RYR3: variants seen among roughly 807,000 people sequenced by gnomAD.
The protein encoded by RYR3 is ryanodine receptor 3.
A neutral mutation model predicts 584.3 loss-of-function variants in RYR3; 207 were observed. The ratio of observed to expected loss-of-function variants is 0.35; its 90% CI spans 0.32 to 0.40. The LOEUF (loss-of-function observed/expected upper bound fraction) is 0.40, where lower values mean the gene tolerates loss of function less well. Ranked by LOEUF, RYR3 falls within the 10% of genes least tolerant of loss-of-function variation. RYR3 has a pLI of 1.00. For missense variants in RYR3, 5,616 were observed against 6,089.2 expected (o/e 0.92, Z 2.59); for synonymous variants, 2,416 against 2,248.5 (o/e 1.07, Z -2.11).
chr15:33,704,754 A>G (rs549143242), intron 42 of RYR3, among the ~76,000 whole-genome samples: 2 of 152,332 alleles, frequency 1.3e-5, no homozygotes, highest in African/African-American at 4.8e-5. Context: ...AGTGTTGCTC[A>G]GCAAAGACAT....
chr15:33,454,397 T>A (rs2047374317), intron 1 of RYR3, among the ~76,000 whole-genome samples: 1 of 152,328 alleles, frequency 6.6e-6, no homozygotes, highest in East Asian at 1.9e-4. Flanking sequence ...AACTAGAAGC[T>A]AACCTGTGAG....
At chr15:33,470,415 A>T (rs2048834967) in intron 1 of RYR3, among the ~76,000 whole-genome samples, 1 of 152,112 alleles carries the variant, frequency 6.6e-6, no homozygotes, top group Non-Finnish European at 1.5e-5. Flanking sequence ...CCAGGAAATC[A>T]TACATTTATA....
intron 27 of RYR3, among the ~76,000 whole-genome samples, chr15:33,641,052 C>T (rs2061791145): frequency 2.0e-5 from 3 of 152,172 alleles, no homozygotes; most frequent in Admixed American, 6.5e-5. Flanking sequence ...AGCCCTTTTC[C>T]TCTACGGGGC....
intron 87 of RYR3, 49 bp from the exon 88 acceptor site, chr15:33,836,856 CT>C (rs757524445): frequency 6.7e-7 from 1 of 1,500,534 alleles, no homozygotes. Flanking sequence ...CTGCCCTGTA[CT>C]TTACTGAGGG....
At chr15:33,545,544 G>T (rs548629825) in intron 8 of RYR3, among the ~76,000 whole-genome samples, 2 of 152,100 alleles carry the variant, frequency 1.3e-5, no homozygotes. Context: ...ATAAGGAAGC[G>T]TGAAGGGTTT....
Position 33,636,390 on chromosome 15 carries a change from T to G in RYR3, c.3396T>G (p.His1132Gln), listed in dbSNP as rs1202897559. 6.2e-7 allele frequency: 1 copy of G among 1,613,958 alleles called. No homozygotes were observed. The highest frequency in any genetic ancestry group is 2.2e-5 in the East Asian group (1 of 44,884). Residue 1132 changes from histidine (H) to glutamine (Q), a missense_variant, in exon 27 of 104, where the codon CAT (histidine) becomes CAG (glutamine). Transcript: ENST00000634891. ...VFEGNRGQRWHQGSGYFGRTW... is the reference protein window; with the variant it reads ...VFEGNRGQRWQQGSGYFGRTW... ...TTGTTTTCTAGGGCCAGCGTTGGCA[T>G]CAAGGAAGTGGGTATTTTGGGCGTA...
chr15:33,677,734 C>T (rs1027258216), intron 38 of RYR3, among the ~76,000 whole-genome samples: 3 of 152,148 alleles, frequency 2.0e-5, no homozygotes, highest in African/African-American at 7.2e-5. Context: ...TGTCTCCATC[C>T]TTAGAGATGT....
intron 24 of RYR3, 86 bp from the exon 25 acceptor site, chr15:33,634,500 G>A (rs2061413025): frequency 7.1e-7 from 1 of 1,403,442 alleles, no homozygotes; most frequent in Admixed American, 1.7e-5. Context: ...AGAAAGCCAG[G>A]ACTGTTGCTG....
rs552980853 is a variant in RYR3, at chr15:33,725,884, T to G, written c.6913-502T>G. 4.0e-4 allele frequency among the ~76,000 whole-genome samples: 58 copies of G among 143,330 alleles called. 1 individual carries two copies. The highest frequency in any genetic ancestry group is 7.5e-4 in the Admixed American group (10 of 13,412). The allele number at this position is 143,330 out of a possible 152,430, so 94.0% of individuals were successfully genotyped here. On this transcript the variant is annotated intron_variant, in intron 45 of 103. Transcript: ENST00000634891. ...ACTCGGGAGGCTGAGGCAGGAGAAT[T>G]GTGTGAACCTGGGAGGCGGAGCTTG...
In RYR3 at chr15:33,634,576, C is replaced by T. The variant is rs374572025; in HGVS notation, c.3028-10C>T. The T allele has an allele frequency of 1.3e-4, 202 of 1,613,370 alleles. No homozygotes were observed. Among genetic ancestry groups the T allele is most frequent in the Middle Eastern group, 5.0e-4 (3 of 6,060 alleles). ...TTTTCTTGGCACCTTTTTTCTCTGG[C>T]GTCACATAGGATTTGAAGAACAAAA... On this transcript the variant is annotated splice_polypyrimidine_tract_variant and intron_variant, in intron 24 of 103. Coordinates refer to ENST00000634891, the MANE Select transcript of RYR3 (RefSeq NM_001036.6).
chr15:33,649,150 C>G lies in RYR3; in HGVS notation c.4057C>G (p.His1353Asp). The G allele has an allele frequency of 6.2e-7, 1 of 1,613,820 alleles. No individual in the cohort carries two copies. Among genetic ancestry groups the G allele is most frequent in the Non-Finnish European group, 8.5e-7 (1 of 1,179,838 alleles). ...GGTCGGATGGGTGACTCCAGACTATCACTTGTACAGTGAAAAGTTTGACCT... is the reference window on the plus strand; with the variant it reads ...GGTCGGATGGGTGACTCCAGACTATGACTTGTACAGTGAAAAGTTTGACCT... ...VWVGWVTPDY[H>D]LYSEKFDLNK... is the part of the protein sequence containing the mutation. The change falls in exon 31 of 104, where the codon CAC becomes GAC. Residue 1353 changes from histidine (H) to aspartate (D), a missense_variant. His to Asp is a moderately conservative substitution (Grantham distance 81, BLOSUM62 -1). Coordinates refer to ENST00000634891, the MANE Select transcript of RYR3 (RefSeq NM_001036.6).
chr15:33,314,143 G>C (rs1036820256), intron 1 of RYR3, among the ~76,000 whole-genome samples: 4 of 152,192 alleles, frequency 2.6e-5, no homozygotes, highest in African/African-American at 7.2e-5. Context: ...CAAGCCTTAA[G>C]GAGGCAGTCT....
At chr15:33,834,590 C>G (rs775458229) in intron 86 of RYR3, among the ~76,000 whole-genome samples, 1 of 151,982 alleles carries the variant, frequency 6.6e-6, no homozygotes, top group Non-Finnish European at 1.5e-5. Flanking sequence ...TCGCAGCACC[C>G]TTGATCTCCT....
chr15:33,804,334 A>T (rs8037952), intron 69 of RYR3, among the ~76,000 whole-genome samples: 92,751 of 151,896 alleles, frequency 0.61, 28,837 homozygotes, highest in East Asian at 0.96. Flanking sequence ...GGGTAACAAG[A>T]GTTCATATTG....
chr15:33,807,574 A>G lies in RYR3; in HGVS notation c.10026+5A>G. On this transcript the variant is annotated splice_donor_5th_base_variant and intron_variant, in intron 70 of 103. Transcript: ENST00000634891. ...ACACAGGCCATGCAAGTAAAGGTAC[A>G]GGTCAAATGCATGACGTGTCTTTTC... is the stretch of plus-strand genomic sequence containing the variant. The G allele has an allele frequency of 1.3e-6, 2 of 1,551,734 alleles. No individual in the cohort carries two copies. The highest frequency in any genetic ancestry group is 1.7e-6 in the Non-Finnish European group (2 of 1,146,900).
At chr15:33,818,847 G>A (rs747565069) in intron 76 of RYR3, among the ~76,000 whole-genome samples, 163 bp downstream of exon 76, 3 of 152,368 alleles carry the variant, frequency 2.0e-5, no homozygotes, top group African/African-American at 4.8e-5. Context: ...TAGGGAGCCA[G>A]GCGTGGTGGC....
chr15:33,709,547 C>T (rs768865664), intron 43 of RYR3, among the ~76,000 whole-genome samples: 1 of 152,150 alleles, frequency 6.6e-6, no homozygotes, highest in Admixed American at 6.5e-5. Flanking sequence ...CATGAGGACC[C>T]AACACCTCAT....
At chr15:33,670,811 C>T (rs541665151) in intron 38 of RYR3, among the ~76,000 whole-genome samples, 1 of 152,180 alleles carries the variant, frequency 6.6e-6, no homozygotes, top group East Asian at 1.9e-4. Flanking sequence ...TCGTGTTCTA[C>T]TTAGAGGTGC....
At chr15:33,423,692 G>A (rs562823507) in intron 1 of RYR3, among the ~76,000 whole-genome samples, 27 of 151,790 alleles carry the variant, frequency 1.8e-4, no homozygotes, top group Non-Finnish European at 2.8e-4. Context: ...CATCCTAGTG[G>A]GTGTGAAGTA....
Sources: gnomAD v4.1 joint callset for allele counts (sites outside exome capture counted in the v4.1 genomes callset) on GRCh38, gnomAD v4.1.1 for gene constraint, MANE v1.5 for transcripts, NCBI Gene and HGNC (gene_info 2026-07-23, HGNC 2026-07-21) for gene names.